ZMAT5: variants seen among roughly 807,000 people sequenced by gnomAD.
The protein encoded by ZMAT5 is zinc finger matrin-type protein 5.
A neutral mutation model predicts 28.0 loss-of-function variants in ZMAT5; 23 were observed. That is an observed-to-expected ratio of 0.82 (90% CI 0.59 to 1.16). The LOEUF (loss-of-function observed/expected upper bound fraction) is 1.16. Ranked by LOEUF, ZMAT5 falls within the 50% of genes most tolerant of loss-of-function variation. The probability of loss-of-function intolerance (pLI) is 0.00; values close to 1 mark genes in which losing one functional copy is unlikely to be tolerated. For synonymous variants in ZMAT5, 76 were observed against 84.1 expected, an observed-to-expected ratio of 0.90 and a Z score of 0.52; for missense variants, 173 against 212.7, an observed-to-expected ratio of 0.81 and a Z score of 1.16.
intron 3 of ZMAT5, 93 bp downstream of exon 3, chr22:29,742,325 C>T: frequency 7.5e-7 from 1 of 1,340,562 alleles, no homozygotes; most frequent in Admixed American, 1.8e-5. Context: ...GGATGGTGGC[C>T]CGGGTCGGGG....
intron 2 of ZMAT5, among the ~76,000 whole-genome samples, chr22:29,745,628 A>G (rs2068002428): frequency 6.6e-6 from 1 of 152,234 alleles, no homozygotes; most frequent in African/African-American, 2.4e-5. Flanking sequence ...AGCCCCTGTC[A>G]TAGCCCTGGA....
At chr22:29,755,636 G>A (rs2068095044) in intron 1 of ZMAT5, among the ~76,000 whole-genome samples, 3 of 152,148 alleles carry the variant, frequency 2.0e-5, no homozygotes, top group Non-Finnish European at 4.4e-5. Context: ...TTACAGACCA[G>A]AAAACAGTTT....
intron 5 of ZMAT5, among the ~76,000 whole-genome samples, chr22:29,735,077 G>C (rs989756487): frequency 1.3e-5 from 2 of 152,128 alleles, no homozygotes; most frequent in Admixed American, 6.5e-5. Context: ...GTAGCCTTGC[G>C]GGGGCTGGGG....
intron 1 of ZMAT5, among the ~76,000 whole-genome samples, chr22:29,760,362 G>C (rs1297762960): frequency 7.3e-6 from 1 of 136,284 alleles, no homozygotes; most frequent in African/African-American, 2.8e-5. Flanking sequence ...GACAGAGACA[G>C]ACTCCTCTGT....
chr22:29,756,339 C>A (rs555330396), intron 1 of ZMAT5, among the ~76,000 whole-genome samples: 1 of 152,298 alleles, frequency 6.6e-6, no homozygotes. Context: ...GGTGCAGGAC[C>A]CTGTTCGGAA....
intron 1 of ZMAT5, among the ~76,000 whole-genome samples, chr22:29,754,268 G>A (rs775689411): frequency 6.6e-5 from 10 of 152,088 alleles, no homozygotes; most frequent in African/African-American, 2.4e-4. Flanking sequence ...AGAACCATCC[G>A]GCCCCACGCC....
At chr22:29,755,785 C>A (rs1360553800) in intron 1 of ZMAT5, among the ~76,000 whole-genome samples, 1 of 152,222 alleles carries the variant, frequency 6.6e-6, no homozygotes, top group Non-Finnish European at 1.5e-5. Flanking sequence ...TCCTGAGCTG[C>A]CAGTGGGCCA....
chr22:29,760,595 C>T (rs1238490847), intron 1 of ZMAT5, among the ~76,000 whole-genome samples: 1 of 152,108 alleles, frequency 6.6e-6, no homozygotes, highest in African/African-American at 2.4e-5. Context: ...TTTAGCAGAT[C>T]TGGAGGGGGA....
At chr22:29,733,867 A>G (rs373832406) in intron 5 of ZMAT5, among the ~76,000 whole-genome samples, 1 of 152,212 alleles carries the variant, frequency 6.6e-6, no homozygotes, top group Admixed American at 6.5e-5. Context: ...GCCTGCTCAC[A>G]CACACTGGCA....
chr22:29,763,292 C>CAATAAATAAATAAAAAAATA (rs1350278585), intron 1 of ZMAT5, among the ~76,000 whole-genome samples: 1 of 140,568 alleles, frequency 7.1e-6, no homozygotes, highest in East Asian at 2.2e-4. Flanking sequence ...GACTCTGCCT[C>CAATAAATAAATAAAAAAATA]AATAAATAAA....
At chr22:29,757,016 G>A (rs1186540289) in intron 1 of ZMAT5, among the ~76,000 whole-genome samples, 1 of 151,848 alleles carries the variant, frequency 6.6e-6, no homozygotes, top group African/African-American at 2.4e-5. Context: ...TCCAGCCTGG[G>A]CGACAGAGCG....
chr22:29,748,620 C>T, intron 1 of ZMAT5, 49 bp from the exon 2 acceptor site: 3 of 1,597,332 alleles, frequency 1.9e-6, no homozygotes, highest in Admixed American at 3.4e-5. Flanking sequence ...AAAACACATC[C>T]CTCACCAGCC....
intron 1 of ZMAT5, among the ~76,000 whole-genome samples, chr22:29,766,075 G>C (rs2147243018): frequency 6.6e-6 from 1 of 152,254 alleles, no homozygotes; most frequent in African/African-American, 2.4e-5. Flanking sequence ...CGCACCTTGG[G>C]GGGCGAGGCA....
intron 5 of ZMAT5, among the ~76,000 whole-genome samples, chr22:29,733,109 C>CTCGGG (rs1358023487): frequency 1.3e-5 from 2 of 152,218 alleles, no homozygotes; most frequent in Non-Finnish European, 2.9e-5. Flanking sequence ...AAGTGACACC[C>CTCGGG]TCGGGATGAG....
rs958489025 is a variant in ZMAT5 at position 29,731,130 on chromosome 22, G to A, written c.*95C>T. 46 of 1,337,336 alleles carry A rather than the reference G, an allele frequency of 3.4e-5. 1 individual carries two copies. In the East Asian group the frequency reaches 9.5e-4, roughly 28 times the overall value. The allele number at this position is 1,337,336 out of a possible 1,614,324, so 82.8% of individuals were successfully genotyped here. On this transcript the variant is annotated 3_prime_UTR_variant, in exon 6 of 6. Coordinates refer to ENST00000344318, the MANE Select transcript of ZMAT5 (RefSeq NM_001003692.2). ...TCAGTGAGGCTGGGCAGATGGTCTC[G>A]GAGCCTCCATGGGGCGTAGCAGGAA...
intron 4 of ZMAT5, among the ~76,000 whole-genome samples, chr22:29,740,143 C>A (rs1360188118): frequency 6.6e-6 from 1 of 152,176 alleles, no homozygotes; most frequent in Non-Finnish European, 1.5e-5. Flanking sequence ...TGTTCTCTAA[C>A]TAGAGGAGTG....
chr22:29,756,320 C>T (rs2068100851), intron 1 of ZMAT5, among the ~76,000 whole-genome samples: 1 of 152,210 alleles, frequency 6.6e-6, no homozygotes, highest in Non-Finnish European at 1.5e-5. Flanking sequence ...GGGTGGTCTG[C>T]AGACTGCTGG....
chr22:29,759,275 C>T (rs1277687234), intron 1 of ZMAT5, among the ~76,000 whole-genome samples: 2 of 152,144 alleles, frequency 1.3e-5, no homozygotes, highest in East Asian at 3.8e-4. Flanking sequence ...TCTTCTCTCC[C>T]GAGTCTGGGC....
At chr22:29,732,043 T>C (rs1226033388) in intron 5 of ZMAT5, among the ~76,000 whole-genome samples, 1 of 152,230 alleles carries the variant, frequency 6.6e-6, no homozygotes, top group African/African-American at 2.4e-5. Context: ...GGGGTCCATG[T>C]AAGTACTTGC....
Sources: gnomAD v4.1 joint callset for allele counts (sites outside exome capture counted in the v4.1 genomes callset) on GRCh38, gnomAD v4.1.1 for gene constraint, MANE v1.5 for transcripts, NCBI Gene and HGNC (gene_info 2026-07-23, HGNC 2026-07-21) for gene names.